FNIP2: variants seen among roughly 807,000 people sequenced by gnomAD.
FNIP2 encodes folliculin-interacting protein 2.
Under a neutral mutation model 108.7 loss-of-function variants are expected in FNIP2, and 32 were observed. That is an observed-to-expected ratio of 0.29 (90% CI 0.22 to 0.40). The LOEUF is 0.40. FNIP2 is among the 10% of genes least tolerant of loss of function. The probability of loss-of-function intolerance (pLI) is 1.00; values close to 1 mark genes in which losing one functional copy is unlikely to be tolerated. For missense variants in FNIP2, 1,202 were observed against 1,381.6 expected (o/e 0.87, Z 2.06); for synonymous variants, 480 against 496.7 (o/e 0.97, Z 0.45).
intron 14 of FNIP2, among the ~76,000 whole-genome samples, chr4:158,881,623 G>A (rs1037278414): frequency 6.6e-5 from 10 of 152,222 alleles, no homozygotes; most frequent in South Asian, 2.1e-4. Flanking sequence ...ACTGGTTTTC[G>A]TATTTTTTTG....
chr4:158,830,509 G>A (rs1326469045), intron 3 of FNIP2, among the ~76,000 whole-genome samples: 8 of 151,998 alleles, frequency 5.3e-5, no homozygotes, highest in Admixed American at 2.0e-4. Context: ...TGATCCACCC[G>A]CCTCGGCCTC....
intron 14 of FNIP2, chr4:158,872,033 TG>T: frequency 1.0e-6 from 1 of 985,400 alleles, no homozygotes; most frequent in East Asian, 1.1e-4. Flanking sequence ...GCTATCATTT[TG>T]ATTTCTAACA....
At chr4:158,835,523 A>G (rs1560788945) in intron 7 of FNIP2, 47 bp downstream of exon 7, 4 of 1,556,204 alleles carry the variant, frequency 2.6e-6, no homozygotes, top group African/African-American at 2.7e-5. Context: ...TGAACTATCT[A>G]CAGTGGTGTG....
Position 158,832,059 on chromosome 4 carries a change from C to G in FNIP2, c.483-8C>G. The G allele has an allele frequency of 6.2e-7, 1 of 1,612,696 alleles. No individual in the cohort carries two copies. Among genetic ancestry groups the G allele is most frequent in the Non-Finnish European group, 8.5e-7 (1 of 1,179,150 alleles). ...TATTTTTCCCCTCTCCTTTTTTCCC[C>G]TCCACAGTTCTCCTCCACAACTGAT... On this transcript the variant is annotated splice_polypyrimidine_tract_variant and splice_region_variant and intron_variant, in intron 4 of 16. Coordinates refer to ENST00000264433, the MANE Select transcript of FNIP2 (RefSeq NM_020840.3).
intron 16 of FNIP2, among the ~76,000 whole-genome samples, chr4:158,899,138 G>A (rs1302039555): frequency 3.3e-5 from 5 of 152,174 alleles, no homozygotes; most frequent in East Asian, 1.9e-4. Flanking sequence ...TTGTTTATGC[G>A]ATGGATTACC....
chr4:158,841,625 A>G (rs1779137973), intron 7 of FNIP2, among the ~76,000 whole-genome samples: 1 of 152,214 alleles, frequency 6.6e-6, no homozygotes, highest in Non-Finnish European at 1.5e-5. Context: ...CAAAGGCTTA[A>G]GCTGCATCTT....
chr4:158,801,472 G>A (rs762671133), intron 1 of FNIP2, among the ~76,000 whole-genome samples: 6 of 152,194 alleles, frequency 3.9e-5, no homozygotes, highest in African/African-American at 9.6e-5. Context: ...GTGGTCAGGC[G>A]CAGACGTGGT....
chr4:158,812,115 G>A (rs1777310608), intron 1 of FNIP2, among the ~76,000 whole-genome samples: 1 of 152,182 alleles, frequency 6.6e-6, no homozygotes, highest in Admixed American at 6.5e-5. Flanking sequence ...GGAGGCAGAG[G>A]TCACTGCCCC....
chr4:158,875,546 A>G (rs1781235161), intron 14 of FNIP2, among the ~76,000 whole-genome samples: 2 of 140,228 alleles, frequency 1.4e-5, no homozygotes, highest in South Asian at 4.4e-4. Context: ...ATATATGCTC[A>G]TGAATACCTA....
rs1266871424 is a variant in FNIP2 at position 158,832,958 on chromosome 4, TA to T, written c.555-567del. On this transcript the variant is annotated intron_variant, in intron 5 of 16. Coordinates refer to ENST00000264433, the MANE Select transcript of FNIP2 (RefSeq NM_020840.3). ...CACAGCAAAAGTCTTTAATTGTTAA[TA>T]AATACAATAAATTATTAAAATCTGC... Among the ~76,000 whole-genome samples, 3 of 152,236 alleles carry T rather than the reference TA, an allele frequency of 2.0e-5. No individual in the cohort carries two copies. In the East Asian group the frequency reaches 5.8e-4, roughly 29 times the overall value.
At position 158,769,375 on chromosome 4, in the gene FNIP2, C is replaced by T. The variant is rs1034553586; in HGVS notation, c.107+56C>T. 8 of 1,253,246 alleles carry T rather than the reference C, an allele frequency of 6.4e-6. No individual in the cohort carries two copies. The Admixed American group carries it at 1.4e-4, about 22-fold the overall frequency. 77.6% of individuals were successfully genotyped at this position (1,253,246 alleles called of 1,614,324 possible). On this transcript the variant is annotated intron_variant, in intron 1 of 16. Transcript: ENST00000264433. ...CGGGACCCGAGTTGGCTTCGGTGCT[C>T]GCCGGGGAGGGGACGGGTAGGGGAA...
Position 158,831,970 on chromosome 4 carries a change from G to A in FNIP2, c.482+9G>A, listed in dbSNP as rs1778509719. ...AAGATACACTACATACGGTGAGTCT[G>A]GGCTTCCTTTTCTACTAGTTTTGAG... On this transcript the variant is annotated intron_variant, in intron 4 of 16. Coordinates refer to ENST00000264433, the MANE Select transcript of FNIP2 (RefSeq NM_020840.3). The A allele has an allele frequency of 6.2e-7, 1 of 1,606,944 alleles. No individual in the cohort carries two copies.
At position 158,859,368 on chromosome 4, in the gene FNIP2, C is replaced by A. The variant is rs950179587; in HGVS notation, c.1059+110C>A. 8.1e-6 allele frequency: 10 copies of A among 1,237,106 alleles called. No homozygotes were observed. In the African/African-American group the frequency reaches 1.5e-4, roughly 19 times the overall value. The allele number at this position is 1,237,106 out of a possible 1,614,324, so 76.6% of individuals were successfully genotyped here. Reference sequence around the variant, plus strand: ...TGTCTTTCCTAAGGAAGTTAAATCACCTGTAGCAGTGATAAATTTTAGGCA... The same window carrying A: ...TGTCTTTCCTAAGGAAGTTAAATCAACTGTAGCAGTGATAAATTTTAGGCA... On this transcript the variant is annotated intron_variant, in intron 9 of 16. Transcript: ENST00000264433.
intron 14 of FNIP2, chr4:158,872,359 G>GA: frequency 1.0e-6 from 1 of 985,230 alleles, no homozygotes; most frequent in Non-Finnish European, 1.2e-6. Flanking sequence ...TCTTTTATTT[G>GA]AAAAAACACA....
chr4:158,774,710 G>A (rs541254702), intron 1 of FNIP2, among the ~76,000 whole-genome samples: 3 of 152,316 alleles, frequency 2.0e-5, no homozygotes, highest in South Asian at 4.1e-4. Flanking sequence ...GAGCTTCAGA[G>A]CCCAGTGTAG....
chr4:158,785,910 C>T (rs1427783603), intron 1 of FNIP2, among the ~76,000 whole-genome samples: 1 of 152,110 alleles, frequency 6.6e-6, no homozygotes, highest in Admixed American at 6.6e-5. Context: ...TTTGTTGGCT[C>T]CTCCCAGCTG....
chr4:158,882,336 G>A (rs1191778787), intron 14 of FNIP2, among the ~76,000 whole-genome samples: 1 of 151,638 alleles, frequency 6.6e-6, no homozygotes, highest in East Asian at 2.0e-4. Context: ...AGGGAGGTGA[G>A]GGGCAGCCCC....
intron 1 of FNIP2, among the ~76,000 whole-genome samples, chr4:158,804,411 C>T (rs1006473973): frequency 2.1e-4 from 22 of 106,618 alleles, no homozygotes; most frequent in African/African-American, 6.5e-4. Context: ...ATGTATTATA[C>T]ACTTTTTTTT....
intron 14 of FNIP2, chr4:158,890,079 C>T: frequency 1.0e-6 from 1 of 985,312 alleles, no homozygotes; most frequent in African/African-American, 1.7e-5. Flanking sequence ...AACAATTCTA[C>T]AAAATGAGAA....
Sources: allele counts gnomAD v4.1 joint callset (sites outside exome capture counted in the v4.1 genomes callset), GRCh38; gene constraint gnomAD v4.1.1; transcripts MANE v1.5; gene names NCBI Gene and HGNC (gene_info 2026-07-23, HGNC 2026-07-21).